NEDD4L: variants seen among roughly 807,000 people sequenced by gnomAD.
The protein encoded by NEDD4L is NEDD4 like E3 ubiquitin protein ligase.
Under a neutral mutation model 148.9 loss-of-function variants are expected in NEDD4L, and 54 were observed. That is an observed-to-expected ratio of 0.36 (90% CI 0.29 to 0.45). The LOEUF (loss-of-function observed/expected upper bound fraction) is 0.45. Ranked by LOEUF, NEDD4L falls within the 20% of genes least tolerant of loss-of-function variation. The pLI, the probability that NEDD4L is intolerant of heterozygous loss-of-function variation, is 1.00. For missense variants in NEDD4L, 856 were observed against 1,233.8 expected, an observed-to-expected ratio of 0.69 and a Z score of 4.59; for synonymous variants, 433 against 440.7, an observed-to-expected ratio of 0.98 and a Z score of 0.22.
chr18:58,394,057 C>G (rs774101003), intron 30 of NEDD4L, among the ~76,000 whole-genome samples: 2 of 152,208 alleles, frequency 1.3e-5, no homozygotes, highest in Non-Finnish European at 2.9e-5. Flanking sequence ...CACGTGAGGA[C>G]GCTGAAGCCC....
At chr18:58,172,619 T>C (rs1452002148) in intron 2 of NEDD4L, among the ~76,000 whole-genome samples, 2 of 152,218 alleles carry the variant, frequency 1.3e-5, no homozygotes, top group East Asian at 3.9e-4. Flanking sequence ...AACCAGGGCC[T>C]AACCTCTTAA....
rs1333132954 is a variant in NEDD4L, at chr18:58,399,664, T to C, written c.*3395T>C. On this transcript the variant is annotated 3_prime_UTR_variant, in exon 31 of 31. Transcript: ENST00000400345. ...CACCACGCCTGGCTAATTTTTGTAT[T>C]TTTAGTAGAGATGGTTTCACCATGC... 1 of 152,156 alleles carries C rather than the reference T, an allele frequency of 6.6e-6. No individual in the cohort carries two copies. The highest frequency in any genetic ancestry group is 1.5e-5 in the Non-Finnish European group (1 of 68,088). 9.4% of individuals were successfully genotyped at this position (152,156 alleles called of 1,614,324 possible).
At chr18:58,304,149 A>G (rs1230011807) in intron 5 of NEDD4L, among the ~76,000 whole-genome samples, 1 of 152,144 alleles carries the variant, frequency 6.6e-6, no homozygotes, top group Non-Finnish European at 1.5e-5. Context: ...CTTACGAAGC[A>G]TAGGACAGCC....
At chr18:58,165,644 A>G (rs2036755034) in intron 1 of NEDD4L, 144 bp from the exon 2 acceptor site, 4 of 1,523,908 alleles carry the variant, frequency 2.6e-6, no homozygotes, top group Non-Finnish European at 3.5e-6. Context: ...ACTTCAGTGT[A>G]AGGAAGAATT....
intron 11 of NEDD4L, among the ~76,000 whole-genome samples, chr18:58,332,563 T>C (rs1451805285): frequency 3.9e-5 from 6 of 152,064 alleles, no homozygotes; most frequent in African/African-American, 1.4e-4. Context: ...CCCAAAAATT[T>C]CTTGAACCCA....
Position 58,341,173 on chromosome 18 carries a change from C to A in NEDD4L, c.1257+4C>A. 6.2e-7 allele frequency: 1 copy of A among 1,611,766 alleles called. No individual in the cohort carries two copies. Among genetic ancestry groups the A allele is most frequent in the Non-Finnish European group, 8.5e-7 (1 of 1,179,126 alleles). The stretch of plus-strand genomic sequence containing the variant: ...TTGGACTCGACCTATCATGCAGGTA[C>A]GAAGATTGCCATCCAACTTAAAACC... On this transcript the variant is annotated splice_donor_region_variant and intron_variant, in intron 14 of 30. Transcript: ENST00000400345.
chr18:58,207,359 T>C (rs1406171420), intron 2 of NEDD4L, among the ~76,000 whole-genome samples: 1 of 151,856 alleles, frequency 6.6e-6, no homozygotes, highest in African/African-American at 2.4e-5. Context: ...CGCTTGTTTA[T>C]AGCCAATGCA....
intron 2 of NEDD4L, among the ~76,000 whole-genome samples, chr18:58,223,246 A>G (rs991389843): frequency 1.3e-4 from 20 of 152,134 alleles, no homozygotes; most frequent in African/African-American, 4.6e-4. Flanking sequence ...TGCCTTTTTA[A>G]GTTAAATGAA....
At position 58,322,496 on chromosome 18, in the gene NEDD4L, G is replaced by A. The variant is rs1226912507; in HGVS notation, c.410+10G>A. 6 of 1,425,688 alleles carry A rather than the reference G, an allele frequency of 4.2e-6. No homozygotes were observed. The highest frequency in any genetic ancestry group is 5.9e-6 in the Non-Finnish European group (6 of 1,010,712). The allele number at this position is 1,425,688 out of a possible 1,614,324, so 88.3% of individuals were successfully genotyped here. ...TCCTCAGACCAAGAAGGTGAGGCTT[G>A]TGGGTATGGGTGGGTGGGGATGCCT... On this transcript the variant is annotated intron_variant, in intron 7 of 30. Transcript: ENST00000400345.
At chr18:58,263,961 C>G (rs776901004) in intron 5 of NEDD4L, among the ~76,000 whole-genome samples, 49 of 149,848 alleles carry the variant, frequency 3.3e-4, no homozygotes, top group Non-Finnish European at 5.7e-4. Context: ...CAGCATACCT[C>G]TGGGCTTCTT....
chr18:58,383,815 A>C (rs561435031), intron 25 of NEDD4L, among the ~76,000 whole-genome samples: 6 of 152,216 alleles, frequency 3.9e-5, no homozygotes, highest in Non-Finnish European at 8.8e-5. Flanking sequence ...TCTTAACTCA[A>C]CTTCAGCCTC....
At chr18:58,217,623 A>T (rs927967208) in intron 2 of NEDD4L, among the ~76,000 whole-genome samples, 1 of 152,174 alleles carries the variant, frequency 6.6e-6, no homozygotes, top group Non-Finnish European at 1.5e-5. Flanking sequence ...TTACAGGTCC[A>T]TGCCACCATA....
chr18:58,368,819 T>G (rs775863458), intron 22 of NEDD4L, among the ~76,000 whole-genome samples: 1 of 152,224 alleles, frequency 6.6e-6, no homozygotes. Flanking sequence ...AACCACACAC[T>G]CTTTCCATGT....
chr18:58,333,759 T>A (rs2041345670), intron 11 of NEDD4L, 59 bp from the exon 12 acceptor site: 6 of 1,222,932 alleles, frequency 4.9e-6, no homozygotes, highest in African/African-American at 1.5e-5. Context: ...GTTAAACCAA[T>A]GAAAGTTGCT....
At chr18:58,056,894 CTTTTTT>C (rs74183230) in intron 1 of NEDD4L, among the ~76,000 whole-genome samples, 9 of 121,618 alleles carry the variant, frequency 7.4e-5, no homozygotes, top group African/African-American at 1.7e-4. Flanking sequence ...GCTATGCCCT[CTTTTTT>C]TTTTTTTTTT....
intron 2 of NEDD4L, among the ~76,000 whole-genome samples, chr18:58,207,494 C>A (rs565887931): frequency 1.9e-5 from 2 of 104,284 alleles, no homozygotes; most frequent in East Asian, 4.7e-4. Context: ...GGGTTGTTAA[C>A]CTCTAAGTGC....
intron 2 of NEDD4L, among the ~76,000 whole-genome samples, chr18:58,199,966 G>A (rs1225819451): frequency 6.6e-6 from 1 of 152,158 alleles, no homozygotes; most frequent in Admixed American, 6.5e-5. Context: ...GGTACGTGGG[G>A]ACTCTATCTT....
chr18:58,392,374 A>G (rs1271327616), intron 30 of NEDD4L, among the ~76,000 whole-genome samples: 2 of 152,262 alleles, frequency 1.3e-5, no homozygotes, highest in East Asian at 1.9e-4. Flanking sequence ...TGCTCTGGCC[A>G]TAGTGAGCTA....
At chr18:58,245,394 TA>T in intron 2 of NEDD4L, 32 bp from the exon 3 acceptor site, 1 of 1,042,938 alleles carries the variant, frequency 9.6e-7, no homozygotes, top group Non-Finnish European at 1.4e-6. Flanking sequence ...ATGAAAAGTA[TA>T]ATCCTATTAA....
Sources: gnomAD v4.1 joint callset for allele counts (sites outside exome capture counted in the v4.1 genomes callset) on GRCh38, gnomAD v4.1.1 for gene constraint, MANE v1.5 for transcripts, NCBI Gene and HGNC (gene_info 2026-07-23, HGNC 2026-07-21) for gene names.